Variants in SDHB observed in about 807,000 individuals in gnomAD.
The protein encoded by SDHB is succinate dehydrogenase [ubiquinone] iron-sulfur subunit, mitochondrial.
Under a neutral mutation model 39.7 loss-of-function variants are expected in SDHB, and 21 were observed. The observed-to-expected ratio is 0.53, with a 90% CI of 0.37 to 0.76. The LOEUF (loss-of-function observed/expected upper bound fraction) is 0.76, where lower values mean the gene tolerates loss of function less well. Among genes scored for constraint, SDHB ranks in the 30% least tolerant of loss-of-function variants. The probability of loss-of-function intolerance (pLI) is 0.00; values close to 1 mark genes in which losing one functional copy is unlikely to be tolerated. For missense variants in SDHB, 343 were observed against 350.9 expected (o/e 0.98, Z 0.18); for synonymous variants, 118 against 117.0 (o/e 1.01, Z -0.06).
chr1:17,021,645 G>A (rs1225116601), intron 7 of SDHB, among the ~76,000 whole-genome samples: 2 of 151,886 alleles, frequency 1.3e-5, no homozygotes, highest in South Asian at 2.1e-4. Flanking sequence ...CTCGGGAGGC[G>A]AATGCAGGAG....
chr1:17,053,399 G>A (rs941637212), intron 1 of SDHB, among the ~76,000 whole-genome samples: 1 of 151,952 alleles, frequency 6.6e-6, no homozygotes, highest in African/African-American at 2.4e-5. Context: ...ACCCACCTCC[G>A]GGATCCTTCG....
intron 7 of SDHB, among the ~76,000 whole-genome samples, chr1:17,022,301 G>A (rs537809281): frequency 2.0e-5 from 3 of 152,272 alleles, no homozygotes; most frequent in East Asian, 1.9e-4. Context: ...AACGGCTTTC[G>A]CTTTCTGTTT....
rs577974398 is a variant in SDHB at position 17,052,566 on chromosome 1, T to C, written c.72+1382A>G. 4 of 152,360 alleles carry C rather than the reference T, an allele frequency of 2.6e-5. No homozygotes were observed. In the East Asian group the frequency reaches 7.7e-4, roughly 29 times the overall value. The allele number at this position is 152,360 out of a possible 1,614,324, so 9.4% of individuals were successfully genotyped here. On this transcript the variant is annotated intron_variant, in intron 1 of 7. Coordinates refer to ENST00000375499, the MANE Select transcript of SDHB (RefSeq NM_003000.3). ...CGTTAGTGGGGCTCTCACAATTTAA[T>C]TGTTTGCTCAGCAACTATAAAAGGA...
chr1:17,048,257 T>C (rs2078124666), intron 1 of SDHB, among the ~76,000 whole-genome samples: 1 of 152,224 alleles, frequency 6.6e-6, no homozygotes, highest in Non-Finnish European at 1.5e-5. Flanking sequence ...CCTTTTGGAA[T>C]TGGCTTTTTT....
chr1:17,034,122 T>C (rs1242353467), intron 2 of SDHB, among the ~76,000 whole-genome samples: 2 of 151,828 alleles, frequency 1.3e-5, no homozygotes, highest in African/African-American at 2.4e-5. Context: ...AAATACGTCA[T>C]TTCCTTTAGT....
intron 5 of SDHB, among the ~76,000 whole-genome samples, chr1:17,025,733 T>G (rs1290221328): frequency 6.6e-6 from 1 of 152,218 alleles, no homozygotes; most frequent in South Asian, 2.1e-4. Context: ...CATTTTCCAA[T>G]TATTTATTAA....
chr1:17,020,404 A>G (rs951334010), intron 7 of SDHB, among the ~76,000 whole-genome samples: 19 of 152,198 alleles, frequency 1.2e-4, no homozygotes, highest in Non-Finnish European at 5.9e-5. Context: ...ATGGTTTTCA[A>G]GTCCCTTCCA....
At chr1:17,036,645 G>A (rs917747819) in intron 2 of SDHB, among the ~76,000 whole-genome samples, 32 of 147,664 alleles carry the variant, frequency 2.2e-4, no homozygotes, top group African/African-American at 8.0e-4. Flanking sequence ...AGTACTTACA[G>A]GCTTTTTTCT....
chr1:17,052,497 C>T (rs575729955), intron 1 of SDHB: 2 of 152,322 alleles, frequency 1.3e-5, no homozygotes, highest in Non-Finnish European at 2.9e-5. Flanking sequence ...ATGAAATTAG[C>T]CTTTTCTACA....
intron 1 of SDHB, among the ~76,000 whole-genome samples, chr1:17,046,354 A>AT (rs35298846): frequency 0.42 from 62,601 of 149,976 alleles, 14,386 homozygotes; most frequent in Non-Finnish European, 0.53. Context: ...TTAATGTCCC[A>AT]TTTTTTTTTT....
At chr1:17,024,388 C>T (rs898762173) in intron 5 of SDHB, among the ~76,000 whole-genome samples, 3 of 152,098 alleles carry the variant, frequency 2.0e-5, no homozygotes, top group African/African-American at 7.2e-5. Context: ...CCATAAATTC[C>T]AGCTTCCTGG....
chr1:17,051,823 C>A (rs1443282818), intron 1 of SDHB, among the ~76,000 whole-genome samples: 1 of 151,274 alleles, frequency 6.6e-6, no homozygotes, highest in Admixed American at 6.6e-5. Context: ...GCCTAAGGAA[C>A]AAGATGCACA....
chr1:17,043,380 T>C (rs926791895), intron 2 of SDHB, among the ~76,000 whole-genome samples: 1 of 152,208 alleles, frequency 6.6e-6, no homozygotes, highest in African/African-American at 2.4e-5. Context: ...TTTGAAAATT[T>C]TGTCTATTTA....
chr1:17,027,301 T>C (rs959857921), intron 5 of SDHB, among the ~76,000 whole-genome samples: 9 of 152,238 alleles, frequency 5.9e-5, no homozygotes, highest in Non-Finnish European at 1.2e-4. Flanking sequence ...ACCAGAAGTA[T>C]GGTGTCAGGA....
At chr1:17,021,325 G>A (rs1253453308) in intron 7 of SDHB, among the ~76,000 whole-genome samples, 2 of 152,210 alleles carry the variant, frequency 1.3e-5, no homozygotes, top group Non-Finnish European at 2.9e-5. Flanking sequence ...GTGTGTGCCT[G>A]TAGTCCCAGC....
chr1:17,018,781 C>T lies in SDHB; in HGVS notation c.*100G>A, dbSNP rs2077945131. The T allele has an allele frequency of 1.3e-6, 1 of 794,634 alleles. No individual in the cohort carries two copies. Among genetic ancestry groups the T allele is most frequent in the Admixed American group, 1.9e-5 (1 of 54,002 alleles). The allele number at this position is 794,634 out of a possible 1,614,324, so 49.2% of individuals were successfully genotyped here. A position where few individuals can be genotyped will look rare whatever the true frequency, so the allele number is the denominator to read the frequency against. On this transcript the variant is annotated 3_prime_UTR_variant, in exon 8 of 8. Coordinates refer to ENST00000375499, the MANE Select transcript of SDHB (RefSeq NM_003000.3). Reference sequence around the variant, plus strand: ...TTTCTTAAAATTTTTATTATACATGCTGTATTCATGGAAAACCAAGATCTT... The same window carrying T: ...TTTCTTAAAATTTTTATTATACATGTTGTATTCATGGAAAACCAAGATCTT...
At chr1:17,028,490 G>C in intron 4 of SDHB, 110 bp downstream of exon 4, 1 of 1,122,220 alleles carries the variant, frequency 8.9e-7, no homozygotes, top group South Asian at 1.3e-5. Context: ...GACTAGAAGA[G>C]GAGCCTTAAA....
At chr1:17,034,641 A>C (rs1482152897) in intron 2 of SDHB, among the ~76,000 whole-genome samples, 2 of 152,092 alleles carry the variant, frequency 1.3e-5, no homozygotes, top group Non-Finnish European at 2.9e-5. Context: ...CAGCCTTCCC[A>C]AATGCTGGGA....
At chr1:17,034,816 A>G (rs947720002) in intron 2 of SDHB, among the ~76,000 whole-genome samples, 3 of 152,178 alleles carry the variant, frequency 2.0e-5, no homozygotes, top group African/African-American at 7.2e-5. Context: ...TTTTAAATCG[A>G]GACTTTTGAA....
Sources: allele counts gnomAD v4.1 joint callset (sites outside exome capture counted in the v4.1 genomes callset), GRCh38; gene constraint gnomAD v4.1.1; transcripts MANE v1.5; gene names NCBI Gene and HGNC (gene_info 2026-07-23, HGNC 2026-07-21).